Variants in CFAP54 observed in about 807,000 individuals in gnomAD.
The protein encoded by CFAP54 is cilia- and flagella-associated protein 54.
Under a neutral mutation model 370.4 loss-of-function variants are expected in CFAP54, and 290 were observed. That is an observed-to-expected ratio of 0.78 (90% CI 0.71 to 0.86). CFAP54 has a LOEUF of 0.86. Ranked by LOEUF, CFAP54 falls within the 40% of genes least tolerant of loss-of-function variation. The pLI, the probability that CFAP54 is intolerant of heterozygous loss-of-function variation, is 0.00. For synonymous variants in CFAP54, 1,206 were observed against 1,236.5 expected (o/e 0.98, Z 0.52); for missense variants, 3,399 against 3,528.7 (o/e 0.96, Z 0.93).
At chr12:96,667,836 T>C (rs1422047618) in intron 39 of CFAP54, among the ~76,000 whole-genome samples, 2 of 152,228 alleles carry the variant, frequency 1.3e-5, no homozygotes, top group Non-Finnish European at 2.9e-5. Flanking sequence ...ATTGTCAGGC[T>C]GTAGATTTTC....
intron 66 of CFAP54, among the ~76,000 whole-genome samples, chr12:96,832,432 T>C (rs1175977348): frequency 3.9e-5 from 6 of 152,082 alleles, no homozygotes; most frequent in Admixed American, 3.9e-4. Context: ...TTATTTAACT[T>C]CTCTAAGCCT....
intron 62 of CFAP54, 128 bp downstream of exon 62, chr12:96,787,026 T>C: frequency 1.4e-6 from 1 of 733,628 alleles, no homozygotes; most frequent in African/African-American, 1.8e-5. Context: ...TAGGGAAGGC[T>C]CATTCCTGTG....
At chr12:96,527,549 GTTTT>G in intron 9 of CFAP54, 105 bp downstream of exon 9, 1 of 429,588 alleles carries the variant, frequency 2.3e-6, no homozygotes, top group Non-Finnish European at 3.7e-6. Context: ...CATTTATATT[GTTTT>G]TTTTTTTTTG....
At chr12:96,709,432 A>T (rs560694559) in intron 48 of CFAP54, among the ~76,000 whole-genome samples, 2 of 152,334 alleles carry the variant, frequency 1.3e-5, no homozygotes, top group East Asian at 3.9e-4. Context: ...CCTTAAAAAT[A>T]GGTGATTTTT....
intron 40 of CFAP54, among the ~76,000 whole-genome samples, chr12:96,680,915 C>A (rs1194948699): frequency 2.0e-5 from 3 of 152,102 alleles, no homozygotes; most frequent in Non-Finnish European, 4.4e-5. Context: ...GAAACCCTGT[C>A]TCTACTAAAA....
chr12:96,688,297 C>T (rs1377610150), intron 42 of CFAP54, among the ~76,000 whole-genome samples: 5 of 152,164 alleles, frequency 3.3e-5, no homozygotes, highest in Admixed American at 1.3e-4. Context: ...TTGTGAATGG[C>T]TCCATAATAA....
At chr12:96,756,630 T>C (rs1958261414) in intron 57 of CFAP54, 67 bp downstream of exon 57, 2 of 1,047,570 alleles carry the variant, frequency 1.9e-6, no homozygotes, top group African/African-American at 1.6e-5. Context: ...TGTAGTACAT[T>C]GACCACTCAA....
At chr12:96,565,761 CAGACAGATGT>C (rs1276777567) in intron 19 of CFAP54, among the ~76,000 whole-genome samples, 1 of 152,150 alleles carries the variant, frequency 6.6e-6, no homozygotes, top group Non-Finnish European at 1.5e-5. Context: ...GAAGGAGGAA[CAGACAGATGT>C]AGATAAGAAA....
chr12:96,595,360 G>T (rs191411594), intron 25 of CFAP54, among the ~76,000 whole-genome samples: 1 of 152,114 alleles, frequency 6.6e-6, no homozygotes, highest in African/African-American at 2.4e-5. Flanking sequence ...ACACCAGGGG[G>T]AAGAATCTTG....
At chr12:96,676,712 A>G (rs1461666410) in intron 39 of CFAP54, among the ~76,000 whole-genome samples, 1 of 151,944 alleles carries the variant, frequency 6.6e-6, no homozygotes, top group Non-Finnish European at 1.5e-5. Context: ...GACCTGGCTA[A>G]TTTTTGTATT....
intron 65 of CFAP54, among the ~76,000 whole-genome samples, chr12:96,822,887 A>G (rs1159826849): frequency 7.1e-6 from 1 of 141,700 alleles, no homozygotes; most frequent in Non-Finnish European, 1.6e-5. Flanking sequence ...AACTCAGTCT[A>G]TGTAGAGATT....
intron 5 of CFAP54, 78 bp from the exon 6 acceptor site, chr12:96,518,850 G>A: frequency 3.9e-6 from 5 of 1,280,618 alleles, no homozygotes; most frequent in Non-Finnish European, 5.0e-6. Flanking sequence ...TCACAACTTA[G>A]AATTTGATTA....
intron 48 of CFAP54, among the ~76,000 whole-genome samples, chr12:96,716,824 AAGTAT>A (rs1405777576): frequency 6.6e-6 from 1 of 152,220 alleles, no homozygotes; most frequent in Non-Finnish European, 1.5e-5. Flanking sequence ...AGAGGCCAGG[AAGTAT>A]AGCTTGCCAG....
intron 50 of CFAP54, among the ~76,000 whole-genome samples, chr12:96,721,826 G>A (rs1957757533): frequency 6.6e-6 from 1 of 152,024 alleles, no homozygotes; most frequent in Non-Finnish European, 1.5e-5. Flanking sequence ...AAACATGCTG[G>A]CAATAAACTA....
chr12:96,575,654 A>G (rs1197594472), intron 19 of CFAP54, among the ~76,000 whole-genome samples: 3 of 152,118 alleles, frequency 2.0e-5, no homozygotes, highest in Non-Finnish European at 4.4e-5. Flanking sequence ...ACCATTGTGT[A>G]ACTCAAGGTC....
At chr12:96,618,416 G>T (rs1195482346) in intron 26 of CFAP54, among the ~76,000 whole-genome samples, 1 of 152,208 alleles carries the variant, frequency 6.6e-6, no homozygotes, top group African/African-American at 2.4e-5. Context: ...CATGTGGGAG[G>T]GGTTAGTCTG....
intron 62 of CFAP54, among the ~76,000 whole-genome samples, chr12:96,791,735 A>G (rs1213767739): frequency 6.6e-6 from 1 of 152,212 alleles, no homozygotes; most frequent in Admixed American, 6.5e-5. Context: ...AAACAGTGGT[A>G]ATGTTGAGAC....
intron 63 of CFAP54, among the ~76,000 whole-genome samples, chr12:96,794,544 T>A (rs1355833118): frequency 1.3e-5 from 2 of 152,098 alleles, no homozygotes; most frequent in Admixed American, 6.6e-5. Flanking sequence ...GACTTTCCAT[T>A]GTATTTTGCA....
intron 34 of CFAP54, 42 bp downstream of exon 34, chr12:96,648,059 T>G: frequency 7.0e-7 from 1 of 1,423,432 alleles, no homozygotes. Context: ...TACCTCTAGA[T>G]TTTTATTCAC....
Sources: gnomAD v4.1 joint callset for allele counts (sites outside exome capture counted in the v4.1 genomes callset) on GRCh38, gnomAD v4.1.1 for gene constraint, MANE v1.5 for transcripts, NCBI Gene and HGNC (gene_info 2026-07-23, HGNC 2026-07-21) for gene names.